The following ZNF722 variants were observed in gnomAD, a reference collection of about 807,000 sequenced individuals.
The protein encoded by ZNF722 is zinc finger protein 479 pseudogene.
the ZNF722 span, among the ~76,000 whole-genome samples, chr7:64,004,425 A>AAAAAAATATATATAT: frequency 2.1e-4 from 13 of 61,098 alleles, no homozygotes; most frequent in African/African-American, 9.6e-4. Context: ...AAAAAAAAAA[A>AAAAAAATATATATAT]ATATATATAT....
At chr7:63,998,943 T>C in the ZNF722 span, 1 of 1,574,328 alleles carries the variant, frequency 6.4e-7, no homozygotes, top group Non-Finnish European at 8.7e-7. Flanking sequence ...CCTTGTGTCC[T>C]GCAGGTATTC....
the ZNF722 span, among the ~76,000 whole-genome samples, chr7:64,000,119 CT>C: frequency 7.0e-4 from 100 of 142,762 alleles, no homozygotes; most frequent in Middle Eastern, 3.5e-3. Context: ...TTTTCCCTTA[CT>C]TTTTTTTTTT....
the ZNF722 span, among the ~76,000 whole-genome samples, chr7:64,007,508 T>C: frequency 4.2e-3 from 646 of 152,242 alleles, 4 homozygotes; most frequent in African/African-American, 0.015. Context: ...TTTCTGTCCT[T>C]GTGATAGTTT....
the ZNF722 span, among the ~76,000 whole-genome samples, chr7:64,017,682 A>G: frequency 6.6e-6 from 1 of 152,258 alleles, no homozygotes; most frequent in African/African-American, 2.4e-5. Flanking sequence ...ACACCAGTTT[A>G]TACTAAATAT....
the ZNF722 span, chr7:64,015,858 C>A: frequency 1.9e-6 from 3 of 1,587,320 alleles, no homozygotes; most frequent in Non-Finnish European, 2.6e-6. Flanking sequence ...TTTTAAGAGG[C>A]ATTCAAGTCT....
chr7:64,014,918 T>G, the ZNF722 span: 1 of 841,582 alleles, frequency 1.2e-6, no homozygotes, highest in African/African-American at 1.7e-5. Flanking sequence ...TGTGGTAATT[T>G]GATATGCCAT....
chr7:64,000,454 T>TTTTTTC, the ZNF722 span, among the ~76,000 whole-genome samples: 1 of 113,202 alleles, frequency 8.8e-6, no homozygotes, highest in Non-Finnish European at 1.8e-5. Context: ...TTTTTTTTTT[T>TTTTTTC]TTTTTTTTTT....
chr7:64,004,852 T>C, the ZNF722 span, among the ~76,000 whole-genome samples: 2 of 152,148 alleles, frequency 1.3e-5, no homozygotes, highest in Non-Finnish European at 2.9e-5. Flanking sequence ...GCTAGAAACA[T>C]TGGTGAGCTT....
At chr7:64,005,718 A>G in the ZNF722 span, 48 of 1,575,266 alleles carry the variant, frequency 3.0e-5, no homozygotes, top group Non-Finnish European at 4.0e-5. Context: ...TTAGAGAACT[A>G]CAGAAACCTG....
the ZNF722 span, chr7:63,998,918 G>A: frequency 6.8e-7 from 1 of 1,479,308 alleles, no homozygotes; most frequent in Non-Finnish European, 9.2e-7. Context: ...GCTCCTAGAG[G>A]CCAAGCCTCT....
the ZNF722 span, among the ~76,000 whole-genome samples, chr7:64,013,518 T>TAA: frequency 6.7e-6 from 1 of 149,222 alleles, no homozygotes; most frequent in Non-Finnish European, 1.5e-5. Context: ...TTTAAACTGG[T>TAA]AAAAAAAAAA....
At chr7:64,011,012 C>T in the ZNF722 span, among the ~76,000 whole-genome samples, 2,272 of 151,880 alleles carry the variant, frequency 0.015, 26 homozygotes, top group Non-Finnish European at 0.023. Flanking sequence ...TTCTTTGTCT[C>T]TTCTGATCTT....
the ZNF722 span, among the ~76,000 whole-genome samples, chr7:64,009,506 A>C: frequency 6.6e-6 from 1 of 151,958 alleles, no homozygotes; most frequent in African/African-American, 2.4e-5. Flanking sequence ...ATAATCATAT[A>C]GTTTTGTCTT....
chr7:63,999,049 C>T, the ZNF722 span: 126 of 1,557,108 alleles, frequency 8.1e-5, no homozygotes, highest in Admixed American at 3.5e-4. Flanking sequence ...CGGTTGGAAC[C>T]GGCTGAAAGT....
At chr7:64,017,319 G>A in the ZNF722 span, among the ~76,000 whole-genome samples, 1 of 148,734 alleles carries the variant, frequency 6.7e-6, no homozygotes, top group Admixed American at 6.9e-5. Flanking sequence ...GAGAGGTGGA[G>A]GTTGCAGTGA....
the ZNF722 span, chr7:64,015,439 C>T: frequency 1.3e-6 from 2 of 1,599,956 alleles, no homozygotes; most frequent in East Asian, 4.5e-5. Flanking sequence ...TTTAAACGCT[C>T]CTCAAACTGT....
the ZNF722 span, chr7:64,016,030 T>A: frequency 1.3e-6 from 1 of 759,566 alleles, no homozygotes; most frequent in South Asian, 2.3e-5. Context: ...TTCCAAACCT[T>A]AATAGAAAAT....
chr7:64,009,670 C>T, the ZNF722 span, among the ~76,000 whole-genome samples: 499 of 152,184 alleles, frequency 3.3e-3, 1 homozygote, highest in African/African-American at 0.011. Flanking sequence ...ATTTTCGCAT[C>T]GATGTTCATC....
chr7:64,016,235 T>A, the ZNF722 span: 2 of 209,154 alleles, frequency 9.6e-6, no homozygotes, highest in East Asian at 1.3e-4. Context: ...GCCTTCCAGG[T>A]TCAAGTGATT....
Sources: allele counts gnomAD v4.1 joint callset (sites outside exome capture counted in the v4.1 genomes callset), GRCh38; gene constraint gnomAD v4.1.1; transcripts MANE v1.5; gene names NCBI Gene and HGNC (gene_info 2026-07-23, HGNC 2026-07-21).